Variants in ABHD6 observed in about 807,000 individuals in gnomAD.
ABHD6 encodes the protein monoacylglycerol lipase ABHD6.
ABHD6 carries 33 observed loss-of-function variants against 38.8 expected under a neutral mutation model. That is an observed-to-expected ratio of 0.85 (90% CI 0.64 to 1.14). The LOEUF is 1.14. Among genes scored for constraint, ABHD6 ranks in the 50% most tolerant of loss-of-function variants. ABHD6 has a pLI of 0.00. For synonymous variants in ABHD6, 147 were observed against 161.6 expected (o/e 0.91, Z 0.69); for missense variants, 380 against 422.6 (o/e 0.90, Z 0.88).
Position 58,246,490 on chromosome 3 carries a change from G to A in ABHD6, c.-90-3388G>A, listed in dbSNP as rs141338328. On this transcript the variant is annotated intron_variant, in intron 1 of 9. Coordinates refer to ENST00000478253, the MANE Select transcript of ABHD6 (RefSeq NM_001320126.2). ...ACTTCTCTAGAGAATCAGGTAGCAC[G>A]GCTTTCTGGTTCTCTCTGATCCTCC... 9.3e-4 allele frequency among the ~76,000 whole-genome samples: 142 copies of A among 152,324 alleles called. 2 individuals are homozygous for A. The highest frequency in any genetic ancestry group is 3.4e-3 in the Middle Eastern group (1 of 294).
Position 58,285,276 on chromosome 3 carries a change from T to G in ABHD6, c.737-77T>G. ...AGAGGAAGTGGTGGCCTGGATCTGG[T>G]GACTATCCCTTGATTCTGCGGTGGT... On this transcript the variant is annotated intron_variant, in intron 8 of 9. Transcript: ENST00000478253. The surrounding 1 kb of genome is among the most constrained non-coding windows in gnomAD (Gnocchi z 4.9). 6.5e-7 allele frequency: 1 copy of G among 1,538,186 alleles called. No homozygotes were observed. The highest frequency in any genetic ancestry group is 1.4e-5 in the African/African-American group (1 of 73,320).
At chr3:58,261,880 T>G (rs960901492) in intron 3 of ABHD6, among the ~76,000 whole-genome samples, 2 of 152,186 alleles carry the variant, frequency 1.3e-5, no homozygotes. Context: ...AGGGTCTCAA[T>G]GTGTGCACCA....
rs1341742238 is a variant in ABHD6 at position 58,259,870 on chromosome 3, A to C, written c.119+3165A>C. 3.9e-5 allele frequency among the ~76,000 whole-genome samples: 6 copies of C among 152,220 alleles called. No individual in the cohort carries two copies. Among genetic ancestry groups the C allele is most frequent in the African/African-American group, 1.4e-4 (6 of 41,458 alleles). On this transcript the variant is annotated intron_variant, in intron 3 of 9. Transcript: ENST00000478253. This position sits in a 1 kb window ranked among gnomAD's most constrained non-coding sequence, Gnocchi z 4.7. ...TTTCTCCCTCACTTCATCTTCTGGC[A>C]ACCACTCATCTACTTCCTGTCTTTT... is the stretch of plus-strand genomic sequence containing the variant.
At chr3:58,286,327 ATT>A (rs544235325) in intron 9 of ABHD6, among the ~76,000 whole-genome samples, 5 of 150,066 alleles carry the variant, frequency 3.3e-5, no homozygotes, top group Non-Finnish European at 5.9e-5. Flanking sequence ...CAATTTTTGT[ATT>A]TTTTTTAGTA....
chr3:58,269,572 G>T lies in ABHD6; in HGVS notation c.390+138G>T. The T allele has an allele frequency of 1.5e-6, 1 of 645,554 alleles. No individual in the cohort carries two copies. The highest frequency in any genetic ancestry group is 2.7e-6 in the Non-Finnish European group (1 of 367,940). 40.0% of individuals were successfully genotyped at this position (645,554 alleles called of 1,614,324 possible). A position where few individuals can be genotyped will look rare whatever the true frequency, so the allele number is the denominator to read the frequency against. ...ACATTCTGTCTACAAGTGATGGCAA[G>T]CCAAATGGCAACCTGATGATATCTC... On this transcript the variant is annotated intron_variant, in intron 5 of 9. Transcript: ENST00000478253. The surrounding 1 kb of genome is among the most constrained non-coding windows in gnomAD (Gnocchi z 4.4).
chr3:58,266,990 G>A lies in ABHD6; in HGVS notation c.120-199G>A, dbSNP rs116411766. ...TATATACCAAAATAGTTCATTTAAG[G>A]TGTTCTCTGGAATGGTTTGGCTTTG... On this transcript the variant is annotated intron_variant, in intron 3 of 9. Coordinates refer to ENST00000478253, the MANE Select transcript of ABHD6 (RefSeq NM_001320126.2). The surrounding 1 kb of genome is among the most constrained non-coding windows in gnomAD (Gnocchi z 4.0). 1.3e-5 allele frequency among the ~76,000 whole-genome samples: 2 copies of A among 152,236 alleles called. No homozygotes were observed. Among genetic ancestry groups the A allele is most frequent in the African/African-American group, 2.4e-5 (1 of 41,540 alleles).
chr3:58,240,110 C>T (rs2097421750), intron 1 of ABHD6, among the ~76,000 whole-genome samples: 1 of 151,594 alleles, frequency 6.6e-6, no homozygotes, highest in Non-Finnish European at 1.5e-5. Flanking sequence ...TGAGATTGCT[C>T]CACTGCACTC....
chr3:58,278,271 A>G (rs1423053736), intron 7 of ABHD6, among the ~76,000 whole-genome samples: 1 of 152,128 alleles, frequency 6.6e-6, no homozygotes, highest in Non-Finnish European at 1.5e-5. Context: ...TATTGCCTCA[A>G]TTTCAGAGCC....
chr3:58,289,884 C>CCCGGACGGGGTGGCTGG (rs2097460490), intron 9 of ABHD6, among the ~76,000 whole-genome samples: 1 of 145,058 alleles, frequency 6.9e-6, no homozygotes, highest in East Asian at 2.1e-4. Flanking sequence ...CCACCTCCCT[C>CCCGGACGGGGTGGCTGG]CCGGACGGGG....
At chr3:58,268,725 ATGTT>A (rs1401743985) in intron 4 of ABHD6, among the ~76,000 whole-genome samples, 7 of 152,326 alleles carry the variant, frequency 4.6e-5, no homozygotes, top group South Asian at 2.1e-4. Flanking sequence ...TTATAACTGG[ATGTT>A]TGTTTGTTGG....
rs1310386755 is a variant in ABHD6 at position 58,238,839 on chromosome 3, G to A, written c.-91+923G>A. On this transcript the variant is annotated intron_variant, in intron 1 of 9. Coordinates refer to ENST00000478253, the MANE Select transcript of ABHD6 (RefSeq NM_001320126.2). The surrounding 1 kb of genome is among the most constrained non-coding windows in gnomAD (Gnocchi z 6.9). ...CATTTATCTCGCCGCCCCCCTCCCC[G>A]CTGCTCCCGCCTGCTCAGAAATCCC... Among the ~76,000 whole-genome samples the A allele has an allele frequency of 2.6e-5, 4 of 151,956 alleles. No individual in the cohort carries two copies. Among genetic ancestry groups the A allele is most frequent in the Non-Finnish European group, 5.9e-5 (4 of 68,000 alleles).
chr3:58,286,820 ATATG>A (rs1410181084), intron 9 of ABHD6, among the ~76,000 whole-genome samples: 2 of 68,374 alleles, frequency 2.9e-5, no homozygotes, highest in Non-Finnish European at 5.1e-5. Flanking sequence ...ATAAGATCAT[ATATG>A]TGTGTGTGTG....
At chr3:58,282,480 C>T (rs897669872) in intron 7 of ABHD6, among the ~76,000 whole-genome samples, 38 of 152,144 alleles carry the variant, frequency 2.5e-4, no homozygotes, top group African/African-American at 8.7e-4. Context: ...ACCTGTATTC[C>T]CAGCACTTTG....
chr3:58,245,095 G>A (rs2097425398), intron 1 of ABHD6, among the ~76,000 whole-genome samples: 1 of 152,132 alleles, frequency 6.6e-6, no homozygotes, highest in South Asian at 2.1e-4. Flanking sequence ...TATTAACAGG[G>A]CTCATTTTTT....
At chr3:58,252,685 A>G (rs1293213379) in intron 2 of ABHD6, among the ~76,000 whole-genome samples, 1 of 152,186 alleles carries the variant, frequency 6.6e-6, no homozygotes, top group Non-Finnish European at 1.5e-5. Context: ...TCTCAGTTGT[A>G]TGGGTGCCAT....
intron 7 of ABHD6, among the ~76,000 whole-genome samples, chr3:58,279,299 T>C (rs1454536078): frequency 6.6e-6 from 1 of 152,226 alleles, no homozygotes; most frequent in Non-Finnish European, 1.5e-5. Flanking sequence ...ATTGGGTGCA[T>C]ATATATTTAG....
intron 7 of ABHD6, among the ~76,000 whole-genome samples, chr3:58,276,371 G>A (rs1470853551): frequency 6.6e-6 from 1 of 152,190 alleles, no homozygotes; most frequent in Non-Finnish European, 1.5e-5. Context: ...GACCAGTGAT[G>A]ATGAGCAGTT....
rs1023606865 is a variant in ABHD6 at position 58,266,337 on chromosome 3, T to C, written c.120-852T>C. Among the ~76,000 whole-genome samples the C allele has an allele frequency of 7.3e-5, 11 of 151,276 alleles. No homozygotes were observed. Among genetic ancestry groups the C allele is most frequent in the Non-Finnish European group, 1.5e-4 (10 of 67,948 alleles). ...GGTGGTGTGCACCTGTAACCCTAGA[T>C]ACAGGCTGAGGCACAAGAATTGCTT... On this transcript the variant is annotated intron_variant, in intron 3 of 9. Coordinates refer to ENST00000478253, the MANE Select transcript of ABHD6 (RefSeq NM_001320126.2). The surrounding 1 kb of genome is among the most constrained non-coding windows in gnomAD (Gnocchi z 4.0).
chr3:58,281,006 A>G (rs1250990665), intron 7 of ABHD6, among the ~76,000 whole-genome samples: 2 of 152,124 alleles, frequency 1.3e-5, no homozygotes, highest in East Asian at 1.9e-4. Context: ...TGAGGTGTCA[A>G]TCAGCCCCTA....
Sources: gnomAD v4.1 joint callset for allele counts (sites outside exome capture counted in the v4.1 genomes callset) on GRCh38, gnomAD v4.1.1 for gene constraint, Gnocchi (gnomAD v3.1) non-coding constraint, MANE v1.5 for transcripts, NCBI Gene and HGNC (gene_info 2026-07-23, HGNC 2026-07-21) for gene names.